RAB11FIP4: variants seen among roughly 807,000 people sequenced by gnomAD.
RAB11FIP4 encodes RAB11 family interacting protein 4.
RAB11FIP4 carries 23 observed loss-of-function variants against 74.3 expected under a neutral mutation model. The observed-to-expected ratio is 0.31, with a 90% CI of 0.22 to 0.44. The LOEUF (loss-of-function observed/expected upper bound fraction) is 0.44, where lower values mean the gene tolerates loss of function less well. Among genes scored for constraint, RAB11FIP4 ranks in the 20% least tolerant of loss-of-function variants. RAB11FIP4 has a pLI of 1.00. For synonymous variants in RAB11FIP4, 360 were observed against 359.9 expected, an observed-to-expected ratio of 1.00 and a Z score of 0.00; for missense variants, 630 against 863.9, an observed-to-expected ratio of 0.73 and a Z score of 3.39.
chr17:31,507,713 G>A (rs2072377355), intron 3 of RAB11FIP4, among the ~76,000 whole-genome samples: 1 of 152,036 alleles, frequency 6.6e-6, no homozygotes, highest in African/African-American at 2.4e-5. Flanking sequence ...GGTAGGCCTT[G>A]AACTCCTAGG....
In RAB11FIP4 at chr17:31,402,502, C is replaced by T. The variant is rs60409566; in HGVS notation, c.159+10491C>T. On this transcript the variant is annotated intron_variant, in intron 1 of 14. Coordinates refer to ENST00000621161, the MANE Select transcript of RAB11FIP4 (RefSeq NM_032932.6). ...ATTCCTGCCCTCTATGGAATCAACTCTTTTTTATGATTTCTCACTTCCCAC... is the reference window on the plus strand; with the variant it reads ...ATTCCTGCCCTCTATGGAATCAACTTTTTTTTATGATTTCTCACTTCCCAC... Among the ~76,000 whole-genome samples the T allele has an allele frequency of 7.4e-3, 1,129 of 152,224 alleles. 10 individuals carry two copies. The highest frequency in any genetic ancestry group is 0.024 in the African/African-American group (994 of 41,520).
intron 3 of RAB11FIP4, among the ~76,000 whole-genome samples, chr17:31,507,070 G>C (rs2072364457): frequency 6.6e-6 from 1 of 152,188 alleles, no homozygotes. Flanking sequence ...ATGAGGTCAG[G>C]AGTTTGAGAC....
intron 3 of RAB11FIP4, among the ~76,000 whole-genome samples, chr17:31,443,322 C>G (rs946252605): frequency 6.6e-6 from 1 of 152,154 alleles, no homozygotes; most frequent in Non-Finnish European, 1.5e-5. Flanking sequence ...TTATTTTTAA[C>G]TTTGTTCATG....
chr17:31,413,733 A>C (rs1213047660), intron 1 of RAB11FIP4, among the ~76,000 whole-genome samples: 1 of 152,128 alleles, frequency 6.6e-6, no homozygotes, highest in Non-Finnish European at 1.5e-5. Flanking sequence ...TCTGGGCCCC[A>C]AAACTGCAAG....
At chr17:31,432,498 A>T (rs1039267932) in intron 2 of RAB11FIP4, among the ~76,000 whole-genome samples, 1 of 151,850 alleles carries the variant, frequency 6.6e-6, no homozygotes, top group African/African-American at 2.4e-5. Context: ...AGCTGAGACT[A>T]CAGGAGGTAC....
intron 3 of RAB11FIP4, among the ~76,000 whole-genome samples, chr17:31,442,439 A>G (rs1406919253): frequency 6.6e-6 from 1 of 152,234 alleles, no homozygotes; most frequent in Non-Finnish European, 1.5e-5. Flanking sequence ...AGACCCCACG[A>G]GCCAAATCTA....
chr17:31,530,424 A>G lies in RAB11FIP4; in HGVS notation c.1752A>G (p.Lys584=). ...AAAACCTCTTTGCTGCCCAGACTAA[A>G]GCCCAGTCTCTGGCTGCGGAGATAG... ...EAKNLFAAQT[K]AQSLAAEIDT... Residue 584 remains lysine, a synonymous_variant, in exon 14 of 15, where the codon AAA becomes AAG. Transcript: ENST00000621161. The G allele has an allele frequency of 6.2e-7, 1 of 1,614,126 alleles. No individual in the cohort carries two copies.
chr17:31,430,206 G>A (rs1326096078), intron 1 of RAB11FIP4, among the ~76,000 whole-genome samples: 1 of 152,176 alleles, frequency 6.6e-6, no homozygotes, highest in African/African-American at 2.4e-5. Context: ...AAGGCCCTGG[G>A]GCAGAGAAGA....
rs114183860 is a variant in RAB11FIP4, at chr17:31,496,250, C to T, written c.337-21401C>T. The stretch of plus-strand genomic sequence containing the variant: ...GGGCTTAGATTCCAGCTTTATGGCT[C>T]GCCAGCTGTGTGGCCTTGGCAAAGT... On this transcript the variant is annotated intron_variant, in intron 3 of 14. Transcript: ENST00000621161. Among the ~76,000 whole-genome samples, 799 of 152,282 alleles carry T rather than the reference C, an allele frequency of 5.2e-3. 5 individuals carry two copies. The highest frequency in any genetic ancestry group is 0.018 in the African/African-American group (748 of 41,550).
Position 31,536,879 on chromosome 17 carries a change from T to C in RAB11FIP4, c.*5147T>C, listed in dbSNP as rs2072973376. On this transcript the variant is annotated 3_prime_UTR_variant, in exon 15 of 15. Transcript: ENST00000621161. ...TAAAAGCGTAGACCCTGGGGAAGTA[T>C]AATGTCACCATGCTCACCAGGCGAG... 2 of 397,962 alleles carry C rather than the reference T, an allele frequency of 5.0e-6. No individual in the cohort carries two copies. The highest frequency in any genetic ancestry group is 4.1e-5 in the African/African-American group (2 of 48,612). 24.7% of individuals were successfully genotyped at this position (397,962 alleles called of 1,614,324 possible).
At chr17:31,482,330 C>T (rs775407302) in intron 3 of RAB11FIP4, among the ~76,000 whole-genome samples, 3 of 152,096 alleles carry the variant, frequency 2.0e-5, no homozygotes, top group African/African-American at 4.8e-5. Flanking sequence ...CGGTGGCTCA[C>T]GCCTGTAATC....
chr17:31,523,473 AG>A (rs1393330981), intron 7 of RAB11FIP4, 38 bp from the exon 8 acceptor site: 1 of 1,531,992 alleles, frequency 6.5e-7, no homozygotes, highest in Admixed American at 1.7e-5. Context: ...TGTCTCTGGA[AG>A]GCCCCTGCAG....
intron 3 of RAB11FIP4, among the ~76,000 whole-genome samples, chr17:31,474,302 A>G (rs2071768001): frequency 6.6e-6 from 1 of 152,174 alleles, no homozygotes; most frequent in African/African-American, 2.4e-5. Flanking sequence ...AGAAGGGAAG[A>G]GGATTGAAGC....
intron 3 of RAB11FIP4, among the ~76,000 whole-genome samples, chr17:31,438,600 G>A (rs2071381772): frequency 6.6e-6 from 1 of 151,924 alleles, no homozygotes; most frequent in Non-Finnish European, 1.5e-5. Flanking sequence ...CCGCTCCTGG[G>A]ACCCGTCCTT....
At chr17:31,508,172 C>T (rs987832790) in intron 3 of RAB11FIP4, among the ~76,000 whole-genome samples, 11 of 152,266 alleles carry the variant, frequency 7.2e-5, no homozygotes, top group African/African-American at 7.2e-5. Context: ...GTTATTGGAA[C>T]GGAAGTGGCA....
At chr17:31,446,586 G>A (rs1415848946) in intron 3 of RAB11FIP4, among the ~76,000 whole-genome samples, 1 of 152,044 alleles carries the variant, frequency 6.6e-6, no homozygotes, top group African/African-American at 2.4e-5. Flanking sequence ...CTGAGATTAG[G>A]ACATTGGAGT....
chr17:31,496,853 C>T (rs2072125887), intron 3 of RAB11FIP4, among the ~76,000 whole-genome samples: 1 of 152,212 alleles, frequency 6.6e-6, no homozygotes, highest in Admixed American at 6.5e-5. Context: ...CCATGGGGTG[C>T]TGGATGTCGC....
intron 3 of RAB11FIP4, among the ~76,000 whole-genome samples, chr17:31,495,853 A>G (rs554265741): frequency 5.3e-5 from 8 of 152,324 alleles, no homozygotes; most frequent in African/African-American, 1.9e-4. Context: ...ACTGCCCTTC[A>G]CTGCACACAC....
intron 3 of RAB11FIP4, among the ~76,000 whole-genome samples, chr17:31,500,436 G>A (rs994382634): frequency 1.3e-5 from 2 of 152,168 alleles, no homozygotes; most frequent in African/African-American, 4.8e-5. Flanking sequence ...TGTCTGGCAC[G>A]GAGAAACTGG....
Sources: allele counts gnomAD v4.1 joint callset (sites outside exome capture counted in the v4.1 genomes callset), GRCh38; gene constraint gnomAD v4.1.1; transcripts MANE v1.5; gene names NCBI Gene and HGNC (gene_info 2026-07-23, HGNC 2026-07-21).